Variants in DBNDD1 observed in about 807,000 individuals in gnomAD.
The protein encoded by DBNDD1 is dysbindin domain containing 1, also known as dysbindin domain-containing protein 1.
In DBNDD1, 14 loss-of-function variants were observed where a neutral mutation model predicts 17.0. That is an observed-to-expected ratio of 0.82 (90% CI 0.54 to 1.29). The LOEUF (loss-of-function observed/expected upper bound fraction) is 1.29. Among genes scored for constraint, DBNDD1 ranks in the 50% most tolerant of loss-of-function variants. The pLI is 0.00. For missense variants in DBNDD1, 221 were observed against 216.2 expected (o/e 1.02, Z -0.14); for synonymous variants, 105 against 102.0 (o/e 1.03, Z -0.18).
intron 1 of DBNDD1, chr16:90,011,821 G>A (rs1033145884): frequency 2.9e-6 from 1 of 343,374 alleles, no homozygotes; most frequent in African/African-American, 2.2e-5. Context: ...TGTGGACTCT[G>A]TTCTAAGGCT....
chr16:90,004,998 C>T lies in DBNDD1; in HGVS notation c.*1337G>A, dbSNP rs3809645. 148 of 152,810 alleles carry T rather than the reference C, an allele frequency of 9.7e-4. 1 individual carries two copies. The East Asian group carries it at 0.02, about 20-fold the overall frequency. 9.5% of individuals were successfully genotyped at this position (152,810 alleles called of 1,614,324 possible). ...AAGTGTGGCCAGGGACACAAGGCTGCCCTTATGGGACTGAAAGAGAAAGCT... is the reference window on the plus strand; with the variant it reads ...AAGTGTGGCCAGGGACACAAGGCTGTCCTTATGGGACTGAAAGAGAAAGCT... On this transcript the variant is annotated 3_prime_UTR_variant, in exon 4 of 4. Coordinates refer to ENST00000002501, the MANE Select transcript of DBNDD1 (RefSeq NM_001042610.3).
At chr16:90,012,277 C>T (rs535232727) in intron 1 of DBNDD1, among the ~76,000 whole-genome samples, 1 of 152,264 alleles carries the variant, frequency 6.6e-6, no homozygotes, top group East Asian at 1.9e-4. Flanking sequence ...GCCAGGAGGC[C>T]CTGCTCTCAG....
chr16:90,008,692 C>G (rs11642185), intron 3 of DBNDD1, 92 bp downstream of exon 3: 235,599 of 735,662 alleles, frequency 0.32, 54,935 homozygotes, highest in Middle Eastern at 0.42. Flanking sequence ...GTCCCAAGGG[C>G]CCTCAGCCCA....
chr16:90,019,197 A>G lies in DBNDD1; in HGVS notation c.31+114T>C. ...GCCCGCCGGACGACCCCGAGCTGCC[A>G]AAGGGGTCTTCGCGACTCCCGGGAG... On this transcript the variant is annotated intron_variant, in intron 1 of 3. Coordinates refer to ENST00000002501, the MANE Select transcript of DBNDD1 (RefSeq NM_001042610.3). The surrounding 1 kb of genome is among the most constrained non-coding windows in gnomAD (Gnocchi z 6.1). The G allele has an allele frequency of 2.2e-6, 1 of 463,070 alleles. No homozygotes were observed. Among genetic ancestry groups the G allele is most frequent in the Non-Finnish European group, 3.3e-6 (1 of 298,538 alleles). 28.7% of individuals were successfully genotyped at this position (463,070 alleles called of 1,614,324 possible).
chr16:90,009,226 C>G (rs1390039025), intron 2 of DBNDD1, 58 bp downstream of exon 2: 2 of 1,602,412 alleles, frequency 1.2e-6, no homozygotes, highest in African/African-American at 2.7e-5. Context: ...GCTGCCTTGT[C>G]TCTTGGGGGA....
intron 1 of DBNDD1, among the ~76,000 whole-genome samples, chr16:90,013,117 A>G (rs1294369896): frequency 6.6e-6 from 1 of 151,692 alleles, no homozygotes; most frequent in African/African-American, 2.4e-5. Flanking sequence ...TGTGTTAATA[A>G]TGACAGCTAG....
chr16:90,006,390 C>A lies in DBNDD1; in HGVS notation c.422G>T (p.Arg141Leu), dbSNP rs377019309. ...AAACGTGTCCAGGACTGTGGCCTGC[C>A]GCTCGGGGTCGCCTAGGGGCTGCTT... ...HEKQPLGDPE[R>L]QATVLDTFLT... is the part of the protein sequence containing the mutation. Residue 141 changes from arginine (R) to leucine (L), a missense_variant, in exon 4 of 4, where the codon CGG becomes CTG. Coordinates refer to ENST00000002501, the MANE Select transcript of DBNDD1 (RefSeq NM_001042610.3). 6.2e-7 allele frequency: 1 copy of A among 1,607,388 alleles called. No individual in the cohort carries two copies. Among genetic ancestry groups the A allele is most frequent in the Non-Finnish European group, 8.5e-7 (1 of 1,179,714 alleles).
chr16:90,010,500 T>A (rs1347559357), intron 1 of DBNDD1, among the ~76,000 whole-genome samples: 2 of 150,546 alleles, frequency 1.3e-5, no homozygotes, highest in Admixed American at 6.6e-5. Context: ...CCTTAGTAGC[T>A]GGGACTACAG....
chr16:90,013,305 A>C (rs1411138165), intron 1 of DBNDD1, among the ~76,000 whole-genome samples: 2 of 146,326 alleles, frequency 1.4e-5, no homozygotes, highest in Non-Finnish European at 3.0e-5. Flanking sequence ...ATGGTTTTCT[A>C]GTACAGTCCC....
intron 1 of DBNDD1, among the ~76,000 whole-genome samples, chr16:90,018,775 T>C (rs901055062): frequency 5.3e-5 from 8 of 152,252 alleles, no homozygotes; most frequent in Admixed American, 2.0e-4. Flanking sequence ...CTTGCAGCTC[T>C]GGAGTCCCCG....
At position 90,012,433 on chromosome 16, in the gene DBNDD1, G is replaced by T. The variant is rs796103900; in HGVS notation, c.32-3003C>A. ...TCTGTCCCTCCCCGCCCCTCCTTCTGTCCTGAGGGGCACCCCCTCCTCTCC... is the reference window on the plus strand; with the variant it reads ...TCTGTCCCTCCCCGCCCCTCCTTCTTTCCTGAGGGGCACCCCCTCCTCTCC... On this transcript the variant is annotated intron_variant, in intron 1 of 3. Transcript: ENST00000002501. 3.3e-5 allele frequency among the ~76,000 whole-genome samples: 5 copies of T among 150,488 alleles called. 1 individual carries two copies. Among genetic ancestry groups the T allele is most frequent in the African/African-American group, 1.2e-4 (5 of 40,892 alleles).
At chr16:90,006,806 TC>T in intron 3 of DBNDD1, 1 of 287,476 alleles carries the variant, frequency 3.5e-6, no homozygotes, top group South Asian at 6.3e-5. Flanking sequence ...CCTAAACTGT[TC>T]CCCCCGCAGG....
Position 90,017,746 on chromosome 16 carries a change from G to A in DBNDD1, c.31+1565C>T, listed in dbSNP as rs115154782. 8.5e-3 allele frequency among the ~76,000 whole-genome samples: 1,293 copies of A among 152,308 alleles called. 22 individuals are homozygous for A. The highest frequency in any genetic ancestry group is 0.029 in the African/African-American group (1,207 of 41,558). On this transcript the variant is annotated intron_variant, in intron 1 of 3. Transcript: ENST00000002501. ...GTGTGATCTCATGAGGTTCCACAAAGTAGGCATCACTGGCCACTTTGCAGA... is the reference window on the plus strand; with the variant it reads ...GTGTGATCTCATGAGGTTCCACAAAATAGGCATCACTGGCCACTTTGCAGA...
intron 1 of DBNDD1, among the ~76,000 whole-genome samples, chr16:90,015,168 T>G (rs1250653100): frequency 2.6e-5 from 4 of 152,182 alleles, no homozygotes; most frequent in Non-Finnish European, 5.9e-5. Context: ...CTGGTCTTTA[T>G]TCTGTAAAGT....
At chr16:90,014,444 C>T (rs66701606) in intron 1 of DBNDD1, among the ~76,000 whole-genome samples, 41,325 of 151,858 alleles carry the variant, frequency 0.27, 6,068 homozygotes, top group African/African-American at 0.39. Context: ...ATTTTTACGA[C>T]GAGGCCAGCA....
At chr16:90,013,932 G>C in intron 1 of DBNDD1, among the ~76,000 whole-genome samples, 1 of 151,634 alleles carries the variant, frequency 6.6e-6, no homozygotes, top group Non-Finnish European at 1.5e-5. Flanking sequence ...GGGTGGGGCG[G>C]GGGGGGACAT....
At chr16:90,007,943 C>T (rs1172619050) in intron 3 of DBNDD1, among the ~76,000 whole-genome samples, 2 of 148,316 alleles carry the variant, frequency 1.3e-5, no homozygotes, top group Admixed American at 6.8e-5. Flanking sequence ...AAACACACCT[C>T]CCAGGACTTC....
intron 1 of DBNDD1, among the ~76,000 whole-genome samples, chr16:90,018,558 A>C (rs113966266): frequency 0.01 from 1,586 of 152,274 alleles, 27 homozygotes; most frequent in African/African-American, 0.036. Flanking sequence ...TGCAGTTTGC[A>C]TCCAAGTTCC....
chr16:90,017,220 G>C (rs977790941), intron 1 of DBNDD1, among the ~76,000 whole-genome samples: 1 of 152,226 alleles, frequency 6.6e-6, no homozygotes, highest in Non-Finnish European at 1.5e-5. Flanking sequence ...ATTTTGCCGG[G>C]CATGGTGGCT....
Sources: allele counts gnomAD v4.1 joint callset (sites outside exome capture counted in the v4.1 genomes callset), GRCh38; gene constraint gnomAD v4.1.1; non-coding constraint Gnocchi (gnomAD v3.1); transcripts MANE v1.5; gene names NCBI Gene and HGNC (gene_info 2026-07-23, HGNC 2026-07-21).